The following ATG3 variants were observed in gnomAD, a reference collection of about 807,000 sequenced individuals.
The protein encoded by ATG3 is autophagy related 3, also known as ubiquitin-like-conjugating enzyme ATG3.
ATG3 carries 25 observed loss-of-function variants against 50.7 expected under a neutral mutation model. The ratio of observed to expected loss-of-function variants is 0.49; its 90% confidence interval spans 0.36 to 0.69. The LOEUF is 0.69. Ranked by LOEUF, ATG3 falls within the 30% of genes least tolerant of loss-of-function variation. The probability of loss-of-function intolerance (pLI) is 0.00; values close to 1 mark genes in which losing one functional copy is unlikely to be tolerated. For synonymous variants in ATG3, 119 were observed against 125.5 expected (o/e 0.95, Z 0.34); for missense variants, 281 against 376.0 (o/e 0.75, Z 2.09).
intron 5 of ATG3, among the ~76,000 whole-genome samples, chr3:112,546,395 T>C (rs1933371438): frequency 1.3e-5 from 2 of 152,200 alleles, no homozygotes; most frequent in Admixed American, 6.5e-5. Context: ...GACAATGGGA[T>C]GATTCACCTC....
intron 7 of ATG3, among the ~76,000 whole-genome samples, chr3:112,540,151 A>T (rs1402275513): frequency 1.3e-5 from 2 of 152,374 alleles, no homozygotes; most frequent in Admixed American, 1.3e-4. Flanking sequence ...CAAGTAATTC[A>T]TTCAGATTTC....
chr3:112,542,543 G>A (rs1576717970), intron 6 of ATG3, among the ~76,000 whole-genome samples: 2 of 152,054 alleles, frequency 1.3e-5, no homozygotes, highest in Admixed American at 1.3e-4. Flanking sequence ...ATTTTACTTA[G>A]GGGTGGTTTA....
At chr3:112,551,478 G>C (rs1471001641) in intron 3 of ATG3, among the ~76,000 whole-genome samples, 1 of 152,084 alleles carries the variant, frequency 6.6e-6, no homozygotes, top group Non-Finnish European at 1.5e-5. Flanking sequence ...ACACTGAAGT[G>C]GGGTATAATT....
At chr3:112,549,467 A>G (rs925327383) in intron 4 of ATG3, among the ~76,000 whole-genome samples, 1 of 152,240 alleles carries the variant, frequency 6.6e-6, no homozygotes, top group East Asian at 1.9e-4. Context: ...GTTAGGAACT[A>G]TAACAACCTT....
At chr3:112,556,202 A>T (rs1276993672) in intron 2 of ATG3, among the ~76,000 whole-genome samples, 1 of 152,274 alleles carries the variant, frequency 6.6e-6, no homozygotes, top group Non-Finnish European at 1.5e-5. Flanking sequence ...GTTATTTTAT[A>T]GATGAGGAAA....
chr3:112,537,104 G>C (rs1933078331), intron 9 of ATG3, among the ~76,000 whole-genome samples: 1 of 151,892 alleles, frequency 6.6e-6, no homozygotes, highest in Non-Finnish European at 1.5e-5. Flanking sequence ...AATATCAAGG[G>C]AGGGACAGGA....
intron 2 of ATG3, among the ~76,000 whole-genome samples, chr3:112,553,542 A>C (rs1434102766): frequency 6.6e-6 from 1 of 152,228 alleles, no homozygotes; most frequent in African/African-American, 2.4e-5. Context: ...TGTCCATAAA[A>C]AAATTCAAAT....
chr3:112,532,538 G>T lies in ATG3; in HGVS notation c.*161C>A. The T allele has an allele frequency of 2.3e-6, 1 of 437,330 alleles. No homozygotes were observed. Among genetic ancestry groups the T allele is most frequent in the Non-Finnish European group, 3.8e-6 (1 of 263,122 alleles). The allele number at this position is 437,330 out of a possible 1,614,324, so 27.1% of individuals were successfully genotyped here. A position where few individuals can be genotyped will look rare whatever the true frequency, so the allele number is the denominator to read the frequency against. On this transcript the variant is annotated 3_prime_UTR_variant, in exon 12 of 12. Transcript: ENST00000283290. The stretch of plus-strand genomic sequence containing the variant: ...CTTTGCACTGATTTTTATTAAACAA[G>T]TAAGGCTGGTAGTGGAACATATTTT...
chr3:112,536,242 C>T (rs891576555), intron 10 of ATG3: 3 of 457,516 alleles, frequency 6.6e-6, no homozygotes, highest in Non-Finnish European at 1.2e-5. Flanking sequence ...TAAACACCCA[C>T]AGAGAACAAA....
At chr3:112,545,412 T>C (rs1933344731) in intron 5 of ATG3, among the ~76,000 whole-genome samples, 2 of 152,322 alleles carry the variant, frequency 1.3e-5, no homozygotes, top group East Asian at 1.9e-4. Context: ...CTAAAGTTAC[T>C]AAAGAAAAAA....
At chr3:112,558,462 A>G in intron 1 of ATG3, 45 bp from the exon 2 acceptor site, 1 of 1,418,742 alleles carries the variant, frequency 7.0e-7, no homozygotes. Context: ...ATGTTTCACT[A>G]TCAATTAAAT....
At chr3:112,547,784 G>C (rs1196053575) in intron 5 of ATG3, among the ~76,000 whole-genome samples, 5 of 152,158 alleles carry the variant, frequency 3.3e-5, no homozygotes, top group Non-Finnish European at 5.9e-5. Flanking sequence ...GGAGCTTACA[G>C]TACTGAAAAT....
intron 7 of ATG3, among the ~76,000 whole-genome samples, chr3:112,540,069 TA>T (rs1425705699): frequency 2.6e-5 from 4 of 152,196 alleles, no homozygotes; most frequent in Non-Finnish European, 5.9e-5. Context: ...TGAGAATATC[TA>T]GGCTACCTCT....
chr3:112,547,423 T>C (rs1167187206), intron 5 of ATG3, among the ~76,000 whole-genome samples: 1 of 152,158 alleles, frequency 6.6e-6, no homozygotes, highest in African/African-American at 2.4e-5. Context: ...CCTGTTTTAT[T>C]ACTACTACTA....
chr3:112,536,367 T>G (rs1165913794), intron 10 of ATG3, 108 bp downstream of exon 10: 2 of 1,372,456 alleles, frequency 1.5e-6, no homozygotes, highest in Non-Finnish European at 2.0e-6. Flanking sequence ...TACTTTTTAG[T>G]AAGAAAATTT....
chr3:112,561,738 T>C lies in ATG3; in HGVS notation c.-210A>G. 1.8e-6 allele frequency: 1 copy of C among 560,898 alleles called. No individual in the cohort carries two copies. The highest frequency in any genetic ancestry group is 3.3e-5 in the East Asian group (1 of 30,158). The allele number at this position is 560,898 out of a possible 1,614,324, so 34.7% of individuals were successfully genotyped here. ...CGCGCGAAGACGGGGTGCGCGATCC[T>C]CGCACCCCAGGCAGCCCGCGACGGA... On this transcript the variant is annotated 5_prime_UTR_variant, in exon 1 of 12. Coordinates refer to ENST00000283290, the MANE Select transcript of ATG3 (RefSeq NM_022488.5).
chr3:112,558,451 C>A, intron 1 of ATG3, 34 bp from the exon 2 acceptor site: 1 of 1,465,436 alleles, frequency 6.8e-7, no homozygotes, highest in Non-Finnish European at 9.5e-7. Flanking sequence ...AATATTATAT[C>A]ATGTTTCACT....
chr3:112,547,767 C>A (rs1268585559), intron 5 of ATG3, among the ~76,000 whole-genome samples: 1 of 152,158 alleles, frequency 6.6e-6, no homozygotes, highest in East Asian at 1.9e-4. Context: ...TGAATCTTTA[C>A]CTTCATGGAG....
At chr3:112,538,461 G>A (rs760128220) in intron 7 of ATG3, 9 of 280,618 alleles carry the variant, frequency 3.2e-5, no homozygotes, top group Admixed American at 2.1e-4. Flanking sequence ...CGTAGTCATC[G>A]GTGACCTCTT....
Sources: gnomAD v4.1 joint callset for allele counts (sites outside exome capture counted in the v4.1 genomes callset) on GRCh38, gnomAD v4.1.1 for gene constraint, MANE v1.5 for transcripts, NCBI Gene and HGNC (gene_info 2026-07-23, HGNC 2026-07-21) for gene names.